GFRA1: variants seen among roughly 807,000 people sequenced by gnomAD.
The protein encoded by GFRA1 is GDNF family receptor alpha 1, also known as GDNF family receptor alpha-1.
GFRA1 carries 16 observed loss-of-function variants against 51.6 expected under a neutral mutation model. The ratio of observed to expected loss-of-function variants is 0.31; its 90% CI spans 0.21 to 0.47. GFRA1 has a LOEUF of 0.47. Ranked by LOEUF, GFRA1 falls within the 20% of genes least tolerant of loss-of-function variation. GFRA1 has a pLI of 1.00. For missense variants in GFRA1, 530 were observed against 594.3 expected (o/e 0.89, Z 1.13); for synonymous variants, 270 against 241.3 (o/e 1.12, Z -1.10).
At chr10:116,130,489 A>G (rs1958061591) in intron 5 of GFRA1, among the ~76,000 whole-genome samples, 2 of 152,118 alleles carry the variant, frequency 1.3e-5, no homozygotes, top group African/African-American at 4.8e-5. Flanking sequence ...AAGGATTCAC[A>G]CTAACCTTTC....
At chr10:116,108,386 T>C (rs1475663838) in intron 6 of GFRA1, among the ~76,000 whole-genome samples, 2 of 152,138 alleles carry the variant, frequency 1.3e-5, no homozygotes, top group East Asian at 3.9e-4. Flanking sequence ...AATCACTCCA[T>C]TGTCACCAGA....
chr10:116,105,742 G>T (rs3847476), intron 6 of GFRA1, among the ~76,000 whole-genome samples: 13,832 of 152,244 alleles, frequency 0.091, 772 homozygotes, highest in Non-Finnish European at 0.14. Flanking sequence ...CCACTGGGAA[G>T]GGGGTTAAGA....
intron 9 of GFRA1, among the ~76,000 whole-genome samples, chr10:116,078,736 C>G (rs538284951): frequency 6.6e-6 from 1 of 152,254 alleles, no homozygotes; most frequent in South Asian, 2.1e-4. Context: ...TGCTAGAAAA[C>G]AGTCTGTATC....
At chr10:116,205,023 T>C (rs917189738) in intron 5 of GFRA1, among the ~76,000 whole-genome samples, 2 of 152,220 alleles carry the variant, frequency 1.3e-5, no homozygotes, top group Non-Finnish European at 2.9e-5. Flanking sequence ...ATTGATAGAA[T>C]GTGCCCTTGA....
At chr10:116,191,872 C>T (rs1034462967) in intron 5 of GFRA1, among the ~76,000 whole-genome samples, 1 of 151,982 alleles carries the variant, frequency 6.6e-6, no homozygotes, top group Non-Finnish European at 1.5e-5. Context: ...ACTAAAAATA[C>T]AAAAATTAGC....
intron 4 of GFRA1, among the ~76,000 whole-genome samples, chr10:116,215,936 G>A (rs776131158): frequency 6.6e-5 from 10 of 152,104 alleles, no homozygotes; most frequent in East Asian, 1.9e-4. Flanking sequence ...ATGAAAGGGC[G>A]TGTATAAGTT....
At chr10:116,090,959 A>T (rs1956308984) in intron 8 of GFRA1, among the ~76,000 whole-genome samples, 1 of 152,216 alleles carries the variant, frequency 6.6e-6, no homozygotes, top group African/African-American at 2.4e-5. Context: ...TGGGGGCTGT[A>T]AGAAACAGCT....
chr10:116,204,101 T>C (rs1204381100), intron 5 of GFRA1, among the ~76,000 whole-genome samples: 1 of 152,226 alleles, frequency 6.6e-6, no homozygotes, highest in African/African-American at 2.4e-5. Context: ...TCTGTCCCAC[T>C]GTGGGTAGAT....
intron 5 of GFRA1, among the ~76,000 whole-genome samples, chr10:116,181,142 TGCC>T (rs1302313955): frequency 6.6e-6 from 1 of 152,244 alleles, no homozygotes; most frequent in Non-Finnish European, 1.5e-5. Context: ...ATTATTCTTA[TGCC>T]TATAGGTATA....
intron 5 of GFRA1, among the ~76,000 whole-genome samples, chr10:116,190,357 T>G (rs1370781704): frequency 6.6e-6 from 1 of 152,122 alleles, no homozygotes; most frequent in Non-Finnish European, 1.5e-5. Flanking sequence ...TGAGAGTGGA[T>G]CAACGCACTC....
At position 116,064,219 on chromosome 10, in the gene GFRA1, A is replaced by T; in HGVS notation, c.*179T>A. ...TGGAGCACTGCATCAGGTTTTTCAC[A>T]GAAGCCCCAAAGGATCACAAGAAGC... On this transcript the variant is annotated 3_prime_UTR_variant, in exon 11 of 11. Coordinates refer to ENST00000355422, the MANE Select transcript of GFRA1 (RefSeq NM_005264.8). The T allele has an allele frequency of 1.6e-6, 1 of 608,042 alleles. No homozygotes were observed. Among genetic ancestry groups the T allele is most frequent in the Non-Finnish European group, 2.9e-6 (1 of 346,456 alleles). The allele number at this position is 608,042 out of a possible 1,614,324, so 37.7% of individuals were successfully genotyped here.
At chr10:116,080,964 C>T (rs1409826558) in intron 9 of GFRA1, among the ~76,000 whole-genome samples, 4 of 152,164 alleles carry the variant, frequency 2.6e-5, no homozygotes, top group Admixed American at 6.5e-5. Flanking sequence ...GGCGACATGC[C>T]CTAATTCCAT....
chr10:116,176,461 T>C (rs750145253), intron 5 of GFRA1, among the ~76,000 whole-genome samples: 3 of 152,084 alleles, frequency 2.0e-5, no homozygotes, highest in Non-Finnish European at 2.9e-5. Flanking sequence ...TCTCGGGAGA[T>C]CTGGTTGTTT....
At chr10:116,077,239 A>T (rs1955657221) in intron 9 of GFRA1, among the ~76,000 whole-genome samples, 1 of 152,312 alleles carries the variant, frequency 6.6e-6, no homozygotes, top group South Asian at 2.1e-4. Flanking sequence ...GATTAGGGAT[A>T]AAAGAGTTTT....
intron 4 of GFRA1, among the ~76,000 whole-genome samples, chr10:116,239,716 T>C (rs180756108): frequency 1.3e-4 from 20 of 152,342 alleles, no homozygotes; most frequent in Admixed American, 7.8e-4. Context: ...TATCTTGTGA[T>C]AGACACGTAT....
chr10:116,156,283 A>C lies in GFRA1; in HGVS notation c.434-30726T>G, dbSNP rs1589830808. Among the ~76,000 whole-genome samples, 3 of 152,360 alleles carry C rather than the reference A, an allele frequency of 2.0e-5. No individual in the cohort carries two copies. The East Asian group carries it at 5.8e-4, about 29-fold the overall frequency. On this transcript the variant is annotated intron_variant, in intron 5 of 10. Coordinates refer to ENST00000355422, the MANE Select transcript of GFRA1 (RefSeq NM_005264.8). ...GTAATAGGATCATTTCAAAAGGAGG[A>C]AATGACAGGTCATTAGGAGGAATTT...
At chr10:116,092,062 T>A (rs1589780410) in intron 8 of GFRA1, among the ~76,000 whole-genome samples, 1 of 148,650 alleles carries the variant, frequency 6.7e-6, no homozygotes, top group Non-Finnish European at 1.5e-5. Flanking sequence ...TTCTGCCAGA[T>A]GGATGTGAAA....
At chr10:116,173,688 C>T (rs958668731) in intron 5 of GFRA1, among the ~76,000 whole-genome samples, 2 of 152,158 alleles carry the variant, frequency 1.3e-5, no homozygotes, top group African/African-American at 4.8e-5. Flanking sequence ...CCAAACAGAA[C>T]AGAACCGCTG....
intron 10 of GFRA1, among the ~76,000 whole-genome samples, chr10:116,065,091 T>C (rs1463371462): frequency 6.6e-6 from 1 of 152,150 alleles, no homozygotes; most frequent in Non-Finnish European, 1.5e-5. Flanking sequence ...AGCACCTGCT[T>C]AATCCCATAA....
Sources: gnomAD v4.1 joint callset for allele counts (sites outside exome capture counted in the v4.1 genomes callset) on GRCh38, gnomAD v4.1.1 for gene constraint, MANE v1.5 for transcripts, NCBI Gene and HGNC (gene_info 2026-07-23, HGNC 2026-07-21) for gene names.